KLF12: variants seen among roughly 807,000 people sequenced by gnomAD.
KLF12 encodes the protein Krueppel-like factor 12.
Under a neutral mutation model 37.8 loss-of-function variants are expected in KLF12, and 9 were observed. That is an observed-to-expected ratio of 0.24 (90% CI 0.14 to 0.42). KLF12 has a LOEUF of 0.42. KLF12 is among the 10% of genes least tolerant of loss of function. The pLI is 1.00. For missense variants in KLF12, 411 were observed against 516.0 expected (o/e 0.80, Z 1.97); for synonymous variants, 208 against 202.1 (o/e 1.03, Z -0.25).
chr13:73,939,595 C>A (rs960204000), intron 3 of KLF12, among the ~76,000 whole-genome samples: 1 of 152,154 alleles, frequency 6.6e-6, no homozygotes, highest in Non-Finnish European at 1.5e-5. Context: ...CTACTAGATA[C>A]TTCATGAGAA....
At chr13:74,039,297 G>C (rs2138528208) in intron 1 of KLF12, among the ~76,000 whole-genome samples, 1 of 152,162 alleles carries the variant, frequency 6.6e-6, no homozygotes, top group South Asian at 2.1e-4. Flanking sequence ...TTAGTACTTT[G>C]AGAGGCTGAA....
At chr13:73,704,975 C>T (rs930381167) in intron 7 of KLF12, among the ~76,000 whole-genome samples, 1 of 152,142 alleles carries the variant, frequency 6.6e-6, no homozygotes, top group Admixed American at 6.5e-5. Flanking sequence ...AAAGAGAGTA[C>T]ACTGTTTACA....
At chr13:74,239,173 T>C in the KLF12 span, among the ~76,000 whole-genome samples, 1 of 150,136 alleles carries the variant, frequency 6.7e-6, no homozygotes, top group Non-Finnish European at 1.5e-5. Flanking sequence ...AGAACATCTT[T>C]ATTTCTGCCT....
At chr13:74,020,254 G>C (rs1892806759) in intron 1 of KLF12, among the ~76,000 whole-genome samples, 1 of 152,128 alleles carries the variant, frequency 6.6e-6, no homozygotes, top group Non-Finnish European at 1.5e-5. Context: ...CTTAGAAAAA[G>C]CACGCAGTCC....
chr13:74,228,027 G>A, the KLF12 span, among the ~76,000 whole-genome samples: 1 of 152,052 alleles, frequency 6.6e-6, no homozygotes, highest in Non-Finnish European at 1.5e-5. Context: ...TCTTGTGTTT[G>A]GGAGAAAGAA....
At chr13:73,915,419 G>C (rs531936191) in intron 3 of KLF12, among the ~76,000 whole-genome samples, 21 of 152,036 alleles carry the variant, frequency 1.4e-4, no homozygotes, top group Non-Finnish European at 2.6e-4. Flanking sequence ...GCCTTTCCAA[G>C]ATTGCCTGCC....
chr13:74,072,463 T>C lies in KLF12; in HGVS notation c.-32+61276A>G, dbSNP rs112492811. On this transcript the variant is annotated intron_variant, in intron 1 of 7. Transcript: ENST00000377669. ...TAAAAATAGCATACAATCTGCCAGG[T>C]ACAGTGGCTCACGCCTATAATCCCA... is the stretch of plus-strand genomic sequence containing the variant. Among the ~76,000 whole-genome samples the C allele has an allele frequency of 2.1e-5, 3 of 144,032 alleles. 1 individual carries two copies. The highest frequency in any genetic ancestry group is 7.6e-5 in the African/African-American group (3 of 39,682). The allele number at this position is 144,032 out of a possible 152,430, so 94.5% of individuals were successfully genotyped here. A position where few individuals can be genotyped will look rare whatever the true frequency, so the allele number is the denominator to read the frequency against.
At chr13:73,815,163 G>C (rs879499670) in intron 4 of KLF12, among the ~76,000 whole-genome samples, 5 of 152,086 alleles carry the variant, frequency 3.3e-5, no homozygotes, top group African/African-American at 4.8e-5. Context: ...GAGACAAAAA[G>C]ACTGTTTGTT....
At chr13:73,973,889 A>T (rs1201438765) in intron 2 of KLF12, among the ~76,000 whole-genome samples, 1 of 152,164 alleles carries the variant, frequency 6.6e-6, no homozygotes, top group Non-Finnish European at 1.5e-5. Flanking sequence ...TGAAATGATA[A>T]GACAACAGAA....
chr13:74,288,396 G>A, the KLF12 span, among the ~76,000 whole-genome samples: 1 of 152,188 alleles, frequency 6.6e-6, no homozygotes, highest in African/African-American at 2.4e-5. Context: ...GACAAGCGAG[G>A]TAACGGGGTA....
At chr13:73,739,804 C>T (rs112982067) in intron 6 of KLF12, among the ~76,000 whole-genome samples, 1 of 152,192 alleles carries the variant, frequency 6.6e-6, no homozygotes, top group Non-Finnish European at 1.5e-5. Context: ...GCTAGCTTTG[C>T]CAATGATAAA....
intron 2 of KLF12, among the ~76,000 whole-genome samples, chr13:73,977,456 A>T (rs1307826313): frequency 6.6e-6 from 1 of 152,226 alleles, no homozygotes; most frequent in East Asian, 1.9e-4. Flanking sequence ...ACACGCTATA[A>T]ATATAACACA....
chr13:74,172,602 G>GA, the KLF12 span, among the ~76,000 whole-genome samples: 1,258 of 152,102 alleles, frequency 8.3e-3, 21 homozygotes, highest in African/African-American at 0.029. Context: ...AGATCAAATG[G>GA]AAAAAAGATC....
At chr13:73,780,837 T>C (rs1371152745) in intron 5 of KLF12, among the ~76,000 whole-genome samples, 3 of 152,234 alleles carry the variant, frequency 2.0e-5, no homozygotes, top group Admixed American at 2.0e-4. Context: ...CTGTTTACAT[T>C]GCTGAAATGA....
the KLF12 span, among the ~76,000 whole-genome samples, chr13:74,210,271 TA>T: frequency 6.6e-6 from 1 of 152,192 alleles, no homozygotes; most frequent in Non-Finnish European, 1.5e-5. Context: ...TAACAGATTT[TA>T]AAAAATTATT....
At chr13:73,962,527 G>A (rs1891050695) in intron 2 of KLF12, among the ~76,000 whole-genome samples, 1 of 152,184 alleles carries the variant, frequency 6.6e-6, no homozygotes. Flanking sequence ...TGTAACAAAT[G>A]TACCACTGTC....
chr13:74,227,085 A>AT, the KLF12 span, among the ~76,000 whole-genome samples: 2 of 151,918 alleles, frequency 1.3e-5, no homozygotes, highest in South Asian at 4.2e-4. Flanking sequence ...CATTAATATT[A>AT]TTTTTCTTTG....
the KLF12 span, among the ~76,000 whole-genome samples, chr13:74,188,718 A>C: frequency 6.6e-6 from 1 of 152,100 alleles, no homozygotes; most frequent in Non-Finnish European, 1.5e-5. Flanking sequence ...AGAGTGGGCC[A>C]GGCGTGGTGG....
intron 4 of KLF12, among the ~76,000 whole-genome samples, chr13:73,837,526 A>T (rs1884500394): frequency 6.6e-6 from 1 of 152,190 alleles, no homozygotes; most frequent in Non-Finnish European, 1.5e-5. Context: ...CTGTAGGAAA[A>T]AAAAGGGTTC....
Sources: gnomAD v4.1 joint callset for allele counts (sites outside exome capture counted in the v4.1 genomes callset) on GRCh38, gnomAD v4.1.1 for gene constraint, MANE v1.5 for transcripts, NCBI Gene and HGNC (gene_info 2026-07-23, HGNC 2026-07-21) for gene names.